Variants in USP25 observed in about 807,000 individuals in gnomAD.
USP25 encodes the protein ubiquitin carboxyl-terminal hydrolase 25.
A neutral mutation model predicts 158.5 loss-of-function variants in USP25; 85 were observed. The ratio of observed to expected loss-of-function variants is 0.54; its 90% CI spans 0.45 to 0.64. The LOEUF is 0.64. USP25 is among the 30% of genes least tolerant of loss of function. USP25 has a pLI of 0.00. For synonymous variants in USP25, 464 were observed against 460.4 expected, an observed-to-expected ratio of 1.01 and a Z score of -0.10; for missense variants, 1,242 against 1,327.3, an observed-to-expected ratio of 0.94 and a Z score of 1.00.
intron 14 of USP25, among the ~76,000 whole-genome samples, chr21:15,828,593 CAG>C (rs2037642795): frequency 6.6e-6 from 1 of 152,192 alleles, no homozygotes; most frequent in African/African-American, 2.4e-5. Flanking sequence ...GGTTCCCACT[CAG>C]GGGAGGAAAG....
intron 3 of USP25, among the ~76,000 whole-genome samples, chr21:15,773,626 TA>T (rs991045410): frequency 5.3e-5 from 8 of 152,196 alleles, no homozygotes; most frequent in African/African-American, 1.9e-4. Context: ...ATTTGTTTCA[TA>T]AAAAACATGT....
At chr21:15,785,716 T>G (rs2035233962) in intron 4 of USP25, among the ~76,000 whole-genome samples, 1 of 152,120 alleles carries the variant, frequency 6.6e-6, no homozygotes, top group South Asian at 2.1e-4. Context: ...TGAGGAAAGA[T>G]TTCTAATAAA....
chr21:15,747,908 C>T (rs1256206336), intron 1 of USP25, among the ~76,000 whole-genome samples: 2 of 152,166 alleles, frequency 1.3e-5, no homozygotes, highest in East Asian at 1.9e-4. Flanking sequence ...TCTGTTTTCA[C>T]GATGTCTTTT....
intron 3 of USP25, among the ~76,000 whole-genome samples, chr21:15,770,474 A>G (rs2034290143): frequency 6.6e-6 from 1 of 152,108 alleles, no homozygotes; most frequent in Non-Finnish European, 1.5e-5. Flanking sequence ...AACATGGGAG[A>G]TTAATTTTAC....
rs202070531 is a variant in USP25, at chr21:15,776,132, T to C, written c.269-1772T>C. ...ATCAGTGTTTATGAATGTTCAGTTC[T>C]GGGTTACACTCATCTTCAGCTGTGG... is the stretch of plus-strand genomic sequence containing the variant. On this transcript the variant is annotated intron_variant, in intron 3 of 25. Transcript: ENST00000400183. 5.8e-4 allele frequency among the ~76,000 whole-genome samples: 89 copies of C among 152,310 alleles called. No homozygotes were observed. The East Asian group carries it at 9.1e-3, about 16-fold the overall frequency.
At chr21:15,764,675 A>C (rs1018712448) in intron 2 of USP25, among the ~76,000 whole-genome samples, 2 of 152,182 alleles carry the variant, frequency 1.3e-5, no homozygotes, top group Non-Finnish European at 2.9e-5. Context: ...ATTTCTTGGC[A>C]TATAGTAAGT....
intron 20 of USP25, among the ~76,000 whole-genome samples, chr21:15,860,995 G>GAA: frequency 6.7e-6 from 1 of 150,290 alleles, no homozygotes; most frequent in African/African-American, 2.4e-5. Flanking sequence ...GAGAGAGAGA[G>GAA]TTTACATAAA....
At chr21:15,745,343 C>T (rs1416161385) in intron 1 of USP25, among the ~76,000 whole-genome samples, 1 of 152,034 alleles carries the variant, frequency 6.6e-6, no homozygotes, top group East Asian at 1.9e-4. Flanking sequence ...ATTACAAATA[C>T]TTTCTCCCAA....
At chr21:15,789,003 C>T (rs771900831) in intron 4 of USP25, among the ~76,000 whole-genome samples, 4 of 152,086 alleles carry the variant, frequency 2.6e-5, no homozygotes, top group African/African-American at 9.6e-5. Context: ...GTTCGTATCC[C>T]TAACTTTCTT....
At chr21:15,809,716 G>A (rs745824516) in intron 8 of USP25, among the ~76,000 whole-genome samples, 4 of 152,168 alleles carry the variant, frequency 2.6e-5, no homozygotes, top group Non-Finnish European at 4.4e-5. Context: ...TCATAGCAAC[G>A]TTATTCACAA....
intron 23 of USP25, among the ~76,000 whole-genome samples, chr21:15,872,040 T>A (rs2039914150): frequency 2.2e-5 from 3 of 134,508 alleles, no homozygotes; most frequent in African/African-American, 8.6e-5. Context: ...TTTTTTTTTT[T>A]ACTTTAAATC....
chr21:15,842,655 G>A, intron 18 of USP25, 115 bp downstream of exon 18: 1 of 1,323,456 alleles, frequency 7.6e-7, no homozygotes, highest in Admixed American at 2.2e-5. Flanking sequence ...TGATGGCTCT[G>A]CCATGGGCAT....
Position 15,843,215 on chromosome 21 carries a change from A to G in USP25, c.2337+675A>G, listed in dbSNP as rs2038423572. Among the ~76,000 whole-genome samples, 1 of 152,210 alleles carries G rather than the reference A, an allele frequency of 6.6e-6. No homozygotes were observed. Among genetic ancestry groups the G allele is most frequent in the African/African-American group, 2.4e-5 (1 of 41,460 alleles). On this transcript the variant is annotated intron_variant, in intron 18 of 25. Transcript: ENST00000400183. The surrounding 1 kb of genome is among the most constrained non-coding windows in gnomAD (Gnocchi z 4.0). ...GAAGCTATTTCAAGAATTTGTTACT[A>G]CTAAACCTTTTAGTTCCTGTAGTCA...
intron 24 of USP25, chr21:15,876,442 A>G (rs2040099883): frequency 6.6e-6 from 1 of 152,512 alleles, no homozygotes; most frequent in African/African-American, 2.4e-5. Flanking sequence ...TTTATAAAGG[A>G]AAGAGGTTTA....
In USP25 at chr21:15,730,327, C is replaced by T. The variant is rs2030658640; in HGVS notation, c.-67C>T. On this transcript the variant is annotated 5_prime_UTR_variant, in exon 1 of 26. Transcript: ENST00000400183. ...CCTGGAGCTCGGCGGAGCGCGGCAGCCAGGGCCGGCGGAGGCGCGAGGAGC... is the reference window on the plus strand; with the variant it reads ...CCTGGAGCTCGGCGGAGCGCGGCAGTCAGGGCCGGCGGAGGCGCGAGGAGC... 9.4e-7 allele frequency: 1 copy of T among 1,065,500 alleles called. No homozygotes were observed. Among genetic ancestry groups the T allele is most frequent in the African/African-American group, 1.7e-5 (1 of 58,982 alleles). The allele number at this position is 1,065,500 out of a possible 1,614,324, so 66.0% of individuals were successfully genotyped here.
intron 11 of USP25, among the ~76,000 whole-genome samples, chr21:15,824,534 CTTCCTGTCTTTCTGTCTTCCTGTT>C (rs1445381934): frequency 1.3e-5 from 2 of 151,880 alleles, no homozygotes; most frequent in African/African-American, 4.8e-5. Context: ...GTCTCTCTGT[CTTCCTGTCTTTCTGTCTTCCTGTT>C]TTCCTGTCTT....
intron 10 of USP25, among the ~76,000 whole-genome samples, chr21:15,822,205 A>C (rs1280391343): frequency 6.6e-6 from 1 of 151,962 alleles, no homozygotes; most frequent in African/African-American, 2.4e-5. Context: ...CTACAATCCA[A>C]ATATTGCAGA....
chr21:15,875,342 T>G lies in USP25; in HGVS notation c.3009+816T>G, dbSNP rs551238320. On this transcript the variant is annotated intron_variant, in intron 24 of 25. Coordinates refer to ENST00000400183, the MANE Select transcript of USP25 (RefSeq NM_001283041.3). The surrounding 1 kb of genome is among the most constrained non-coding windows in gnomAD (Gnocchi z 4.7). ...AAAATGGTATAATGTTTCTCATCAT[T>G]TTTTGTAGTAACCCAGCCACATTTG... is the stretch of plus-strand genomic sequence containing the variant. 3.3e-5 allele frequency among the ~76,000 whole-genome samples: 5 copies of G among 152,310 alleles called. No individual in the cohort carries two copies. The highest frequency in any genetic ancestry group is 1.2e-4 in the African/African-American group (5 of 41,574).
At chr21:15,818,989 T>C in intron 10 of USP25, 143 bp downstream of exon 10, 1 of 1,043,192 alleles carries the variant, frequency 9.6e-7, no homozygotes, top group Non-Finnish European at 1.4e-6. Context: ...ATTGGTAATT[T>C]AGACATTCAG....
Sources: allele counts gnomAD v4.1 joint callset (sites outside exome capture counted in the v4.1 genomes callset), GRCh38; gene constraint gnomAD v4.1.1; non-coding constraint Gnocchi (gnomAD v3.1); transcripts MANE v1.5; gene names NCBI Gene and HGNC (gene_info 2026-07-23, HGNC 2026-07-21).